The following HS6ST2 variants were observed in gnomAD, a reference collection of about 807,000 sequenced individuals.
HS6ST2 encodes the protein heparan-sulfate 6-O-sulfotransferase 2.
A neutral mutation model predicts 33.0 loss-of-function variants in HS6ST2; 17 were observed. The ratio of observed to expected loss-of-function variants is 0.52; its 90% CI spans 0.35 to 0.77. The LOEUF (loss-of-function observed/expected upper bound fraction) is 0.77, where lower values mean the gene tolerates loss of function less well. HS6ST2 is among the 30% of genes least tolerant of loss of function. The pLI, the probability that HS6ST2 is intolerant of heterozygous loss-of-function variation, is 0.01. For missense variants in HS6ST2, 519 were observed against 551.7 expected (o/e 0.94, Z 0.59); for synonymous variants, 248 against 237.1 (o/e 1.05, Z -0.42).
chrX:132,776,654 C>T (rs186294998), intron 2 of HS6ST2, among the ~76,000 whole-genome samples: 6 of 110,816 alleles, frequency 5.4e-5, no homozygotes, highest in East Asian at 5.7e-4. Flanking sequence ...TGCATCCTGC[C>T]GCTCTTTTAA....
chrX:132,823,862 T>A lies in HS6ST2; in HGVS notation c.948-115368A>T, dbSNP rs1214711952. 2.2e-3 allele frequency among the ~76,000 whole-genome samples: 225 copies of A among 103,541 alleles called. 2 individuals are homozygous for A. The highest frequency in any genetic ancestry group is 7.6e-3 in the African/African-American group (219 of 28,666). The allele number at this position is 103,541 out of a possible 115,157, so 89.9% of individuals were successfully genotyped here. A position where few individuals can be genotyped will look rare whatever the true frequency, so the allele number is the denominator to read the frequency against. ...AGTGAGACTTCATAAAAAATAATAA[T>A]AATAATAATAATAATAATAATAATA... On this transcript the variant is annotated intron_variant, in intron 2 of 4. Transcript: ENST00000370833.
intron 2 of HS6ST2, among the ~76,000 whole-genome samples, chrX:132,781,689 G>A (rs1460137062): frequency 9.0e-6 from 1 of 111,589 alleles, no homozygotes; most frequent in East Asian, 2.8e-4. Flanking sequence ...AGGTGAACGG[G>A]AAGCAAGGCA....
At chrX:132,644,198 A>G (rs993696487) in intron 4 of HS6ST2, among the ~76,000 whole-genome samples, 14 of 104,002 alleles carry the variant, frequency 1.3e-4, no homozygotes. Context: ...GAAAGAGGGA[A>G]GGAAGGGAGG....
At chrX:132,669,324 ATCTCTCTC>A (rs10550199) in intron 3 of HS6ST2, 125 bp from the exon 4 acceptor site, 106 of 343,093 alleles carry the variant, frequency 3.1e-4, no homozygotes, top group Non-Finnish European at 4.8e-4. Flanking sequence ...CCCCTGGCCA[ATCTCTCTC>A]TCTCTCTCTC....
At chrX:132,786,046 C>T (rs1367736273) in intron 2 of HS6ST2, among the ~76,000 whole-genome samples, 2 of 111,705 alleles carry the variant, frequency 1.8e-5, no homozygotes, top group Non-Finnish European at 3.8e-5. Context: ...GTCTCAGTTC[C>T]CTCATCTGTA....
intron 2 of HS6ST2, among the ~76,000 whole-genome samples, chrX:132,806,029 G>A (rs140497207): frequency 3.6e-5 from 4 of 109,840 alleles, no homozygotes; most frequent in Admixed American, 9.7e-5. Flanking sequence ...TTGCCTTTTG[G>A]GGGAGAACAG....
At chrX:132,841,467 T>G (rs897723210) in intron 2 of HS6ST2, among the ~76,000 whole-genome samples, 1 of 111,575 alleles carries the variant, frequency 9.0e-6, no homozygotes, top group Non-Finnish European at 1.9e-5. Flanking sequence ...ATGATACTCT[T>G]TATGAAGCTC....
chrX:132,813,354 T>C (rs1050487446), intron 2 of HS6ST2, among the ~76,000 whole-genome samples: 1 of 111,566 alleles, frequency 9.0e-6, no homozygotes, highest in Non-Finnish European at 1.9e-5. Flanking sequence ...TTGGTCCTCT[T>C]GCTACCTCTC....
At chrX:132,863,075 A>G (rs1254264062) in intron 2 of HS6ST2, among the ~76,000 whole-genome samples, 1 of 111,476 alleles carries the variant, frequency 9.0e-6, no homozygotes, top group Non-Finnish European at 1.9e-5. Context: ...CTGCAGAACA[A>G]CCTCTCCTGG....
intron 3 of HS6ST2, among the ~76,000 whole-genome samples, chrX:132,681,088 T>C (rs1381239634): frequency 9.0e-6 from 1 of 110,974 alleles, no homozygotes; most frequent in Non-Finnish European, 1.9e-5. Flanking sequence ...TGATTAGCTG[T>C]GGTATTTCGT....
At chrX:132,806,996 T>C (rs1193487315) in intron 2 of HS6ST2, among the ~76,000 whole-genome samples, 2 of 110,494 alleles carry the variant, frequency 1.8e-5, no homozygotes, top group African/African-American at 6.5e-5. Flanking sequence ...AATGAGGACA[T>C]TGAGACACAA....
At chrX:132,767,565 T>C (rs182258605) in intron 2 of HS6ST2, among the ~76,000 whole-genome samples, 5 of 111,328 alleles carry the variant, frequency 4.5e-5, no homozygotes, top group Admixed American at 3.8e-4. Flanking sequence ...TTGTTTACAT[T>C]GAAAAAAAAT....
intron 2 of HS6ST2, among the ~76,000 whole-genome samples, chrX:132,787,707 C>T (rs1231950500): frequency 1.0e-4 from 11 of 107,920 alleles, no homozygotes; most frequent in Admixed American, 2.0e-4. Context: ...CTGGTGAGCA[C>T]GGCGAAACCC....
At chrX:132,779,163 G>A (rs2064995178) in intron 2 of HS6ST2, among the ~76,000 whole-genome samples, 1 of 111,683 alleles carries the variant, frequency 9.0e-6, no homozygotes, top group Admixed American at 9.6e-5. Context: ...GTGTGCTTGG[G>A]TAATGGCTGT....
chrX:132,748,281 G>A (rs7877499), intron 2 of HS6ST2, among the ~76,000 whole-genome samples: 16,576 of 111,213 alleles, frequency 0.15, 1,013 homozygotes, highest in East Asian at 0.29. Flanking sequence ...ATCTTCTTTG[G>A]CTTTTCAAGC....
chrX:132,628,668 T>C lies in HS6ST2; in HGVS notation c.1493A>G (p.Gln498Arg). The C allele has an allele frequency of 8.3e-7, 1 of 1,211,394 alleles. No homozygotes were observed. The highest frequency in any genetic ancestry group is 1.8e-5 in the South Asian group (1 of 56,989). ...ACTAGAGGCCCTAGTGGTATTATAC[T>C]GGGTAAATGGCGAAATAAAGTTCAT... The part of the protein sequence containing the change: ...FNMNFISPFT[Q>R]YNTTRASSVE... Residue 498 changes from glutamine to arginine, a missense_variant, in exon 5 of 5, where the codon CAG becomes CGG. Physicochemically the swap from Gln to Arg is conservative, Grantham distance 43 (BLOSUM62 1). Transcript: ENST00000370833.
chrX:132,909,153 T>C (rs1484144225), intron 2 of HS6ST2, among the ~76,000 whole-genome samples: 1 of 111,758 alleles, frequency 8.9e-6, no homozygotes, highest in Non-Finnish European at 1.9e-5. Context: ...TGTTACAGCC[T>C]GGCTACCATA....
chrX:132,628,373 G>C lies in HS6ST2; in HGVS notation c.1788C>G (p.Asn596Lys). 2 of 1,172,725 alleles carry C rather than the reference G, an allele frequency of 1.7e-6. No homozygotes were observed. The highest frequency in any genetic ancestry group is 2.3e-4 in the Middle Eastern group (1 of 4,291). ...GATTCTGCATCAGATTCTGAGTCAG[G>C]TTCTGATTGGCATTCGGATTTGGGT... Reference protein sequence around the residue: ...SQNPNPNANQNLTQNLMQNLT... With the variant: ...SQNPNPNANQKLTQNLMQNLT... The change falls in exon 5 of 5, where the codon AAC becomes AAG. Residue 596 changes from asparagine to lysine, a missense_variant. Coordinates refer to ENST00000370833, the MANE Select transcript of HS6ST2 (RefSeq NM_001394073.1).
At chrX:132,960,321 G>A (rs1435636631), upstream of HS6ST2, among the ~76,000 whole-genome samples, 2 of 110,306 alleles carry the variant, frequency 1.8e-5, no homozygotes, top group Admixed American at 1.9e-4. Flanking sequence ...ACTCACTGCA[G>A]TCAACCTCTT....
Sources: gnomAD v4.1 joint callset for allele counts (sites outside exome capture counted in the v4.1 genomes callset) on GRCh38, gnomAD v4.1.1 for gene constraint, MANE v1.5 for transcripts, NCBI Gene and HGNC (gene_info 2026-07-23, HGNC 2026-07-21) for gene names.